Variants in BCAR3 observed in about 807,000 individuals in gnomAD.
The protein encoded by BCAR3 is BCAR3 adaptor protein, NSP family member, also known as breast cancer anti-estrogen resistance protein 3.
A neutral mutation model predicts 80.1 loss-of-function variants in BCAR3; 37 were observed. That is an observed-to-expected ratio of 0.46 (90% CI 0.36 to 0.61). BCAR3 has a LOEUF of 0.61. Ranked by LOEUF, BCAR3 falls within the 20% of genes least tolerant of loss-of-function variation. BCAR3 has a pLI of 0.00. For synonymous variants in BCAR3, 389 were observed against 418.9 expected (o/e 0.93, Z 0.87); for missense variants, 978 against 1,068.2 (o/e 0.92, Z 1.18).
intron 2 of BCAR3, among the ~76,000 whole-genome samples, chr1:93,643,146 G>A (rs553398442): frequency 2.0e-5 from 3 of 151,156 alleles, no homozygotes; most frequent in Non-Finnish European, 4.4e-5. Flanking sequence ...AGAATCGCTT[G>A]AACCCAGGAG....
intron 2 of BCAR3, among the ~76,000 whole-genome samples, chr1:93,772,882 G>A (rs759668112): frequency 1.3e-5 from 2 of 152,122 alleles, no homozygotes; most frequent in Non-Finnish European, 2.9e-5. Flanking sequence ...GGGACTACAG[G>A]TGTGAGCCAC....
rs371458335 is a variant in BCAR3, at chr1:93,562,734, C to G, written c.2300-315G>C. Among the ~76,000 whole-genome samples, 5 of 131,714 alleles carry G rather than the reference C, an allele frequency of 3.8e-5. No homozygotes were observed. In the East Asian group the frequency reaches 1.1e-3, roughly 29 times the overall value. The allele number at this position is 131,714 out of a possible 152,430, so 86.4% of individuals were successfully genotyped here. On this transcript the variant is annotated intron_variant, in intron 11 of 11. Coordinates refer to ENST00000260502, the MANE Select transcript of BCAR3 (RefSeq NM_003567.4). Reference sequence around the variant, plus strand: ...TGCAGTGAGCGAGACTGCGCCACTGCACTGCAGCCTGGGTGACAAGCGAGA... The same window carrying G: ...TGCAGTGAGCGAGACTGCGCCACTGGACTGCAGCCTGGGTGACAAGCGAGA...
rs377122936 is a variant in BCAR3, at chr1:93,582,293, G to C, written c.1686+8C>G. On this transcript the variant is annotated splice_region_variant and intron_variant, in intron 7 of 11. Transcript: ENST00000260502. ...AGCCAGAGGAGCACCAGGACCCCCA[G>C]CGCTTACCCTGCAGTCCATGCTCAG... 90 of 1,608,814 alleles carry C rather than the reference G, an allele frequency of 5.6e-5. No homozygotes were observed. Among genetic ancestry groups the C allele is most frequent in the Non-Finnish European group, 2.7e-5 (32 of 1,176,252 alleles).
chr1:93,651,057 A>G (rs931323426), intron 2 of BCAR3, among the ~76,000 whole-genome samples: 13 of 152,222 alleles, frequency 8.5e-5, no homozygotes, highest in African/African-American at 1.7e-4. Flanking sequence ...TCCCCAGGAC[A>G]GGTCCAGAAA....
intron 3 of BCAR3, chr1:93,605,559 G>C (rs1241326426): frequency 6.6e-6 from 1 of 152,212 alleles, no homozygotes; most frequent in East Asian, 1.9e-4. Flanking sequence ...CCTAATAAAA[G>C]AGTTTGAAAA....
At chr1:93,655,749 A>C (rs1303811609) in intron 2 of BCAR3, among the ~76,000 whole-genome samples, 1 of 152,214 alleles carries the variant, frequency 6.6e-6, no homozygotes, top group Non-Finnish European at 1.5e-5. Context: ...TCAACTGGTA[A>C]ATCAGCTCTT....
intron 2 of BCAR3, among the ~76,000 whole-genome samples, chr1:93,726,251 G>T (rs756583414): frequency 2.0e-5 from 3 of 151,452 alleles, no homozygotes; most frequent in Non-Finnish European, 4.4e-5. Context: ...ATTTTTTTTT[G>T]AGAGAGAGAC....
chr1:93,593,908 GCAGA>G (rs1674314911), intron 3 of BCAR3, among the ~76,000 whole-genome samples: 1 of 152,132 alleles, frequency 6.6e-6, no homozygotes, highest in African/African-American at 2.4e-5. Context: ...TTCTCACTGG[GCAGA>G]CACTCACTTG....
chr1:93,690,648 C>CAATT (rs975020638), intron 3 of BCAR3, among the ~76,000 whole-genome samples: 32 of 152,340 alleles, frequency 2.1e-4, no homozygotes, highest in African/African-American at 7.7e-4. Flanking sequence ...TGCAAGTTAG[C>CAATT]TGTGCAATTC....
intron 2 of BCAR3, among the ~76,000 whole-genome samples, chr1:93,765,753 G>A (rs903717512): frequency 6.0e-5 from 9 of 150,844 alleles, no homozygotes; most frequent in Non-Finnish European, 1.0e-4. Flanking sequence ...TGCAACCTCC[G>A]CCTCCCAGGT....
intron 2 of BCAR3, among the ~76,000 whole-genome samples, chr1:93,732,372 T>C (rs559201799): frequency 2.0e-5 from 3 of 152,268 alleles, no homozygotes; most frequent in African/African-American, 7.2e-5. Context: ...CCCAGCACTT[T>C]GGGAGGCCAA....
rs115540347 is a variant in BCAR3 at position 93,650,833 on chromosome 1, G to C, written c.318-8490C>G. Among the ~76,000 whole-genome samples the C allele has an allele frequency of 4.6e-3, 701 of 152,206 alleles. 9 individuals carry two copies. The highest frequency in any genetic ancestry group is 0.016 in the African/African-American group (672 of 41,520). On this transcript the variant is annotated intron_variant, in intron 2 of 11. Coordinates refer to ENST00000260502, the MANE Select transcript of BCAR3 (RefSeq NM_003567.4). ...TAATTTAAAAATTCCACTTGTGCAA[G>C]TAGAAGATGGGAAAGATGTGAAATC...
chr1:93,591,090 T>C (rs2101848539), intron 4 of BCAR3, among the ~76,000 whole-genome samples: 1 of 149,228 alleles, frequency 6.7e-6, no homozygotes, highest in Admixed American at 6.7e-5. Context: ...CTATGTTTTC[T>C]ACAATCAATT....
intron 2 of BCAR3, among the ~76,000 whole-genome samples, chr1:93,759,149 T>C (rs1651848143): frequency 1.3e-5 from 2 of 152,128 alleles, no homozygotes; most frequent in African/African-American, 2.4e-5. Flanking sequence ...CTGACAACAA[T>C]GTTTAAAGTG....
At chr1:93,776,606 T>C (rs1652560711) in intron 2 of BCAR3, among the ~76,000 whole-genome samples, 1 of 152,242 alleles carries the variant, frequency 6.6e-6, no homozygotes, top group Admixed American at 6.5e-5. Context: ...TTCCTTGCAA[T>C]TTATTTGTTG....
intron 1 of BCAR3, among the ~76,000 whole-genome samples, chr1:93,846,653 C>A (rs1655202086): frequency 1.3e-5 from 2 of 151,752 alleles, no homozygotes; most frequent in South Asian, 4.1e-4. Context: ...GAGCGCGCGC[C>A]CTCCGACCAC....
At chr1:93,655,035 A>G (rs970725190) in intron 2 of BCAR3, among the ~76,000 whole-genome samples, 5 of 152,212 alleles carry the variant, frequency 3.3e-5, no homozygotes, top group Admixed American at 2.6e-4. Flanking sequence ...GCAGTTGCCC[A>G]GTGAGCATTT....
chr1:93,577,562 G>A (rs993280848), intron 7 of BCAR3, among the ~76,000 whole-genome samples: 11 of 152,184 alleles, frequency 7.2e-5, no homozygotes, highest in African/African-American at 2.4e-4. Context: ...AAAGGATTCA[G>A]ATAACTTTAG....
intron 2 of BCAR3, among the ~76,000 whole-genome samples, chr1:93,807,143 A>G (rs1453730312): frequency 6.6e-6 from 1 of 152,188 alleles, no homozygotes; most frequent in Non-Finnish European, 1.5e-5. Context: ...TAAAATTTAG[A>G]AGAGCATATG....
Sources: gnomAD v4.1 joint callset for allele counts (sites outside exome capture counted in the v4.1 genomes callset) on GRCh38, gnomAD v4.1.1 for gene constraint, MANE v1.5 for transcripts, NCBI Gene and HGNC (gene_info 2026-07-23, HGNC 2026-07-21) for gene names.